SH3RF3: variants seen among roughly 807,000 people sequenced by gnomAD.
SH3RF3 encodes SH3 domain containing ring finger 3.
In SH3RF3, 29 loss-of-function variants were observed where a neutral mutation model predicts 66.3. The ratio of observed to expected loss-of-function variants is 0.44; its 90% CI spans 0.33 to 0.60. The LOEUF (loss-of-function observed/expected upper bound fraction) is 0.60. SH3RF3 is among the 20% of genes least tolerant of loss of function. SH3RF3 has a pLI of 0.04. For missense variants in SH3RF3, 1,194 were observed against 1,190.9 expected, an observed-to-expected ratio of 1.00 and a Z score of -0.04; for synonymous variants, 583 against 532.0, an observed-to-expected ratio of 1.10 and a Z score of -1.32.
At chr2:109,138,058 C>T (rs1676853872) in intron 1 of SH3RF3, among the ~76,000 whole-genome samples, 1 of 152,214 alleles carries the variant, frequency 6.6e-6, no homozygotes, top group African/African-American at 2.4e-5. Context: ...CTCTGTTACC[C>T]TAGCTGGAGT....
intron 1 of SH3RF3, among the ~76,000 whole-genome samples, chr2:109,181,832 T>C (rs1678081100): frequency 6.6e-6 from 1 of 152,024 alleles, no homozygotes; most frequent in Non-Finnish European, 1.5e-5. Context: ...CATTTTTCCA[T>C]GACCTACACC....
intron 1 of SH3RF3, among the ~76,000 whole-genome samples, chr2:109,226,816 T>G: frequency 6.6e-6 from 1 of 152,154 alleles, no homozygotes; most frequent in Non-Finnish European, 1.5e-5. Context: ...GAACAGCTGG[T>G]TACAGAAATG....
chr2:109,198,069 C>T (rs765112721), intron 1 of SH3RF3, among the ~76,000 whole-genome samples: 1 of 152,130 alleles, frequency 6.6e-6, no homozygotes, highest in Non-Finnish European at 1.5e-5. Context: ...TGCAGTGTGT[C>T]AGTTGGGGGT....
chr2:109,260,503 A>G (rs1009334650), intron 1 of SH3RF3, among the ~76,000 whole-genome samples: 1 of 152,096 alleles, frequency 6.6e-6, no homozygotes, highest in Non-Finnish European at 1.5e-5. Context: ...TTCCATACTT[A>G]CCCTCTGTGG....
chr2:109,284,091 G>T (rs1056453383), intron 1 of SH3RF3, among the ~76,000 whole-genome samples: 1 of 152,152 alleles, frequency 6.6e-6, no homozygotes, highest in East Asian at 1.9e-4. Context: ...GGCCTTCCCA[G>T]ATCCACCGTA....
At chr2:109,348,692 C>G (rs746079424) in intron 2 of SH3RF3, among the ~76,000 whole-genome samples, 1 of 152,194 alleles carries the variant, frequency 6.6e-6, no homozygotes, top group Non-Finnish European at 1.5e-5. Flanking sequence ...AACCAAAGCT[C>G]TGAGAGGCTT....
At chr2:109,299,600 G>GT (rs1453953432) in intron 1 of SH3RF3, among the ~76,000 whole-genome samples, 1 of 152,182 alleles carries the variant, frequency 6.6e-6, no homozygotes, top group Non-Finnish European at 1.5e-5. Context: ...ATTTCCTAAA[G>GT]TTTCCTTGCA....
At chr2:109,332,241 A>G (rs1228478795) in intron 1 of SH3RF3, among the ~76,000 whole-genome samples, 1 of 152,138 alleles carries the variant, frequency 6.6e-6, no homozygotes, top group Non-Finnish European at 1.5e-5. Flanking sequence ...CTCTGAGTTC[A>G]GGGTAGAAAC....
intron 1 of SH3RF3, among the ~76,000 whole-genome samples, chr2:109,198,637 A>G (rs1678563131): frequency 6.6e-6 from 1 of 152,200 alleles, no homozygotes. Flanking sequence ...CCTGGTTTGT[A>G]GACAGCCAGT....
chr2:109,175,457 G>A (rs529384995), intron 1 of SH3RF3, among the ~76,000 whole-genome samples: 1 of 152,322 alleles, frequency 6.6e-6, no homozygotes, highest in South Asian at 2.1e-4. Context: ...AGCTTCACGA[G>A]TTGGCAGGTG....
At chr2:109,422,630 C>T (rs1423000386) in intron 5 of SH3RF3, among the ~76,000 whole-genome samples, 1 of 152,120 alleles carries the variant, frequency 6.6e-6, no homozygotes, top group East Asian at 1.9e-4. Context: ...GCTTGTCCGC[C>T]ATTCCTCTGG....
At chr2:109,429,176 T>C in intron 5 of SH3RF3, among the ~76,000 whole-genome samples, 1 of 152,034 alleles carries the variant, frequency 6.6e-6, no homozygotes. Flanking sequence ...CTCCAAGGCC[T>C]CCTCTTGAGT....
intron 1 of SH3RF3, among the ~76,000 whole-genome samples, chr2:109,281,011 C>T (rs146014086): frequency 4.1e-4 from 63 of 152,342 alleles, no homozygotes; most frequent in African/African-American, 1.4e-3. Context: ...TAAAGCCTCA[C>T]GCTCCTGACA....
chr2:109,445,793 C>A (rs939562476), intron 7 of SH3RF3, among the ~76,000 whole-genome samples: 2 of 152,136 alleles, frequency 1.3e-5, no homozygotes, highest in African/African-American at 4.8e-5. Context: ...TCCATTTCAT[C>A]CCTGAAGTGG....
chr2:109,429,406 C>T (rs1573244289), intron 5 of SH3RF3, among the ~76,000 whole-genome samples: 2 of 152,308 alleles, frequency 1.3e-5, no homozygotes, highest in Admixed American at 1.3e-4. Context: ...AGAGGCCGAA[C>T]TTAAAATAGA....
intron 4 of SH3RF3, among the ~76,000 whole-genome samples, chr2:109,415,955 G>C (rs577745408): frequency 4.0e-4 from 61 of 152,252 alleles, no homozygotes; most frequent in African/African-American, 1.3e-3. Flanking sequence ...ATGGGAGCAG[G>C]GCTGGTGGCT....
Position 109,327,810 on chromosome 2 carries a change from T to A in SH3RF3, c.574-19864T>A, listed in dbSNP as rs571916059. 2.6e-5 allele frequency among the ~76,000 whole-genome samples: 4 copies of A among 152,370 alleles called. No individual in the cohort carries two copies. The East Asian group carries it at 7.7e-4, about 29-fold the overall frequency. On this transcript the variant is annotated intron_variant, in intron 1 of 9. Coordinates refer to ENST00000309415, the MANE Select transcript of SH3RF3 (RefSeq NM_001099289.3). The stretch of plus-strand genomic sequence containing the variant: ...TAGAAAAGCAGTTGACTTTTACATA[T>A]ACATACCACTTCCCAGTGTTCCTGT...
At chr2:109,159,245 G>C (rs1031478465) in intron 1 of SH3RF3, among the ~76,000 whole-genome samples, 4 of 152,242 alleles carry the variant, frequency 2.6e-5, no homozygotes, top group African/African-American at 9.6e-5. Flanking sequence ...CTCTGCTGCT[G>C]GCCTTCCTGC....
intron 1 of SH3RF3, among the ~76,000 whole-genome samples, chr2:109,218,121 A>G (rs1036847244): frequency 1.3e-5 from 2 of 150,668 alleles, no homozygotes; most frequent in African/African-American, 4.9e-5. Flanking sequence ...GAGTAGAGAC[A>G]GAAAACCATT....
Sources: gnomAD v4.1 joint callset for allele counts (sites outside exome capture counted in the v4.1 genomes callset) on GRCh38, gnomAD v4.1.1 for gene constraint, MANE v1.5 for transcripts, NCBI Gene and HGNC (gene_info 2026-07-23, HGNC 2026-07-21) for gene names.